Variants in SFI1 observed in about 807,000 individuals in gnomAD.
SFI1 encodes SFI1 centrin binding protein.
Under a neutral mutation model 207.5 loss-of-function variants are expected in SFI1, and 195 were observed. The ratio of observed to expected loss-of-function variants is 0.94; its 90% CI spans 0.84 to 1.06. The LOEUF (loss-of-function observed/expected upper bound fraction) is 1.06. Ranked by LOEUF, SFI1 falls within the 50% of genes least tolerant of loss-of-function variation. SFI1 has a pLI of 0.00. For synonymous variants in SFI1, 630 were observed against 598.9 expected (o/e 1.05, Z -0.76); for missense variants, 1,634 against 1,588.0 (o/e 1.03, Z -0.49).
intron 2 of SFI1, among the ~76,000 whole-genome samples, chr22:31,510,717 A>C (rs1007031201): frequency 2.0e-5 from 3 of 152,212 alleles, no homozygotes; most frequent in African/African-American, 7.2e-5. Context: ...TACAGGCATG[A>C]GCCACTGAGC....
intron 15 of SFI1, among the ~76,000 whole-genome samples, chr22:31,600,743 G>A (rs376654066): frequency 2.6e-5 from 4 of 152,224 alleles, no homozygotes; most frequent in Admixed American, 2.0e-4. Context: ...AAGTCTGGGC[G>A]GCCTAGGGGC....
intron 2 of SFI1, among the ~76,000 whole-genome samples, chr22:31,515,431 G>A (rs777645468): frequency 6.0e-5 from 9 of 148,896 alleles, no homozygotes; most frequent in Admixed American, 2.0e-4. Context: ...TCACTGCAGC[G>A]TCGACCTGCC....
intron 6 of SFI1, among the ~76,000 whole-genome samples, chr22:31,555,162 G>A (rs1358983165): frequency 1.3e-5 from 2 of 152,040 alleles, no homozygotes; most frequent in African/African-American, 4.8e-5. Flanking sequence ...AGTGAATCTA[G>A]CTAGATATTA....
At chr22:31,615,484 A>T in intron 29 of SFI1, 2 of 444,134 alleles carry the variant, frequency 4.5e-6, no homozygotes, top group Non-Finnish European at 3.9e-6. Context: ...TGCCATCCTG[A>T]AGCTTATATT....
rs752439483 is a variant in SFI1 at position 31,615,134 on chromosome 22, C to G, written c.3155C>G (p.Thr1052Arg). 7 of 1,609,176 alleles carry G rather than the reference C, an allele frequency of 4.4e-6. No homozygotes were observed. Among genetic ancestry groups the G allele is most frequent in the Non-Finnish European group, 5.1e-6 (6 of 1,178,188 alleles). ...CGGCCCTTCCTGGCAGAGGCCCCGA[C>G]AGCACTGGTCCCACACAGCCCCCTG... ...LTRPFLAEAP[T>R]ALVPHSPLPG... Residue 1052 changes from threonine to arginine, a missense_variant, in exon 29 of 33, where the codon ACA becomes AGA. Thr to Arg is a moderately conservative substitution (Grantham distance 71). Transcript: ENST00000400288.
chr22:31,614,837 G>C lies in SFI1; in HGVS notation c.3045G>C (p.Leu1015=). 6.2e-7 allele frequency: 1 copy of C among 1,613,868 alleles called. No homozygotes were observed. Among genetic ancestry groups the C allele is most frequent in the Non-Finnish European group, 8.5e-7 (1 of 1,180,032 alleles). The change falls in exon 28 of 33, where the codon CTG becomes CTC. Residue 1015 remains leucine, a synonymous_variant. Transcript: ENST00000400288. ...ARKQPRRPHF[L]LEPAQSQRPQ... is the part of the protein sequence containing the mutation. Reference sequence around the variant, plus strand: ...AGCAGCCGCGACGCCCACACTTCCTGTTGGAGCCTGCGCAGAGCCAGAGGT... The same window carrying C: ...AGCAGCCGCGACGCCCACACTTCCTCTTGGAGCCTGCGCAGAGCCAGAGGT...
chr22:31,566,494 G>A (rs184101060), intron 8 of SFI1, among the ~76,000 whole-genome samples: 37 of 152,290 alleles, frequency 2.4e-4, no homozygotes, highest in African/African-American at 8.2e-4. Flanking sequence ...GTTTAGTTAC[G>A]ATTTGATGAA....
chr22:31,511,323 G>C (rs1007186195), intron 2 of SFI1, among the ~76,000 whole-genome samples: 1 of 152,102 alleles, frequency 6.6e-6, no homozygotes, highest in Non-Finnish European at 1.5e-5. Flanking sequence ...AGGAGTCCTC[G>C]TAAGCTGAAC....
chr22:31,553,162 G>A (rs576573815), intron 6 of SFI1, among the ~76,000 whole-genome samples: 3 of 152,206 alleles, frequency 2.0e-5, no homozygotes, highest in African/African-American at 7.2e-5. Flanking sequence ...AATAACAGTC[G>A]TTCTGACTAG....
chr22:31,594,213 G>C (rs2066694575), intron 15 of SFI1, among the ~76,000 whole-genome samples: 1 of 152,144 alleles, frequency 6.6e-6, no homozygotes, highest in South Asian at 2.1e-4. Context: ...TGTTCTGCTA[G>C]ACCTGGCTTT....
intron 2 of SFI1, among the ~76,000 whole-genome samples, chr22:31,527,704 G>C (rs2058065478): frequency 6.6e-6 from 1 of 152,234 alleles, no homozygotes; most frequent in African/African-American, 2.4e-5. Flanking sequence ...GCCGGGTACA[G>C]TGGTACATGT....
Position 31,618,576 on chromosome 22 carries a change from A to C in SFI1, c.*158A>C. ...AGTCTCCCACTTTTCATACAAAAATACTGTGCTACTGATACAGTTGAAAAA... is the reference window on the plus strand; with the variant it reads ...AGTCTCCCACTTTTCATACAAAAATCCTGTGCTACTGATACAGTTGAAAAA... On this transcript the variant is annotated 3_prime_UTR_variant, in exon 33 of 33. Transcript: ENST00000400288. 1 of 679,446 alleles carries C rather than the reference A, an allele frequency of 1.5e-6. No individual in the cohort carries two copies. Among genetic ancestry groups the C allele is most frequent in the Non-Finnish European group, 2.2e-6 (1 of 451,768 alleles). The allele number at this position is 679,446 out of a possible 1,614,324, so 42.1% of individuals were successfully genotyped here. A position where few individuals can be genotyped will look rare whatever the true frequency, so the allele number is the denominator to read the frequency against.
chr22:31,498,338 A>G (rs1033573644), intron 1 of SFI1, among the ~76,000 whole-genome samples: 1 of 151,478 alleles, frequency 6.6e-6, no homozygotes, highest in Non-Finnish European at 1.5e-5. Context: ...TAGCTGCCAT[A>G]GGTAGTGATT....
At chr22:31,614,351 T>C in intron 27 of SFI1, 1 of 371,276 alleles carries the variant, frequency 2.7e-6, no homozygotes, top group South Asian at 2.1e-5. Context: ...CCCATGCTGA[T>C]GAAGCTGGTG....
intron 21 of SFI1, 60 bp from the exon 22 acceptor site, chr22:31,607,877 G>T: frequency 6.7e-7 from 1 of 1,496,396 alleles, no homozygotes; most frequent in South Asian, 1.1e-5. Context: ...CACAGACCTG[G>T]GGTGGACCCG....
chr22:31,582,069 A>G (rs2064251835), intron 12 of SFI1, among the ~76,000 whole-genome samples: 1 of 150,864 alleles, frequency 6.6e-6, no homozygotes. Flanking sequence ...TTTACAAACC[A>G]GAATGCAGTT....
At chr22:31,601,399 A>G (rs963903542) in intron 15 of SFI1, among the ~76,000 whole-genome samples, 1 of 152,144 alleles carries the variant, frequency 6.6e-6, no homozygotes, top group Non-Finnish European at 1.5e-5. Flanking sequence ...CTGGGATTAC[A>G]GGCGTGAGCC....
intron 4 of SFI1, among the ~76,000 whole-genome samples, chr22:31,538,170 C>T (rs536906540): frequency 3.9e-5 from 6 of 151,904 alleles, no homozygotes; most frequent in African/African-American, 1.2e-4. Context: ...CGGGGTTTCA[C>T]CATGTTGGTC....
At chr22:31,618,080 C>T in intron 31 of SFI1, 35 bp from the exon 32 acceptor site, 1 of 1,546,274 alleles carries the variant, frequency 6.5e-7, no homozygotes, top group South Asian at 1.2e-5. Flanking sequence ...GCCAAGGACC[C>T]AGCCTGGCAG....
Sources: gnomAD v4.1 joint callset for allele counts (sites outside exome capture counted in the v4.1 genomes callset) on GRCh38, gnomAD v4.1.1 for gene constraint, MANE v1.5 for transcripts, NCBI Gene and HGNC (gene_info 2026-07-23, HGNC 2026-07-21) for gene names.